TRABD2B: variants seen among roughly 807,000 people sequenced by gnomAD.
The protein encoded by TRABD2B is TraB domain containing 2B.
In TRABD2B, 14 loss-of-function variants were observed where a neutral mutation model predicts 40.1. The ratio of observed to expected loss-of-function variants is 0.35; its 90% CI spans 0.23 to 0.55. TRABD2B has a LOEUF of 0.55. TRABD2B is among the 20% of genes least tolerant of loss of function. The pLI, the probability that TRABD2B is intolerant of heterozygous loss-of-function variation, is 0.90. For missense variants in TRABD2B, 541 were observed against 648.6 expected, an observed-to-expected ratio of 0.83 and a Z score of 1.80; for synonymous variants, 263 against 277.0, an observed-to-expected ratio of 0.95 and a Z score of 0.50.
chr1:47,970,555 G>C (rs1027127592), intron 2 of TRABD2B, among the ~76,000 whole-genome samples: 1 of 152,140 alleles, frequency 6.6e-6, no homozygotes, highest in Non-Finnish European at 1.5e-5. Context: ...TGCCTGAAAT[G>C]CCCTTCTCAT....
At chr1:47,930,454 G>C (rs947377322) in intron 2 of TRABD2B, among the ~76,000 whole-genome samples, 1 of 152,120 alleles carries the variant, frequency 6.6e-6, no homozygotes, top group Non-Finnish European at 1.5e-5. Flanking sequence ...CAAGGCCCCT[G>C]GTGGCTTAGG....
rs1201841075 is a variant in TRABD2B at position 47,762,506 on chromosome 1, G to C, written c.*3396C>G. ...ACTGTGACAATGGCCCTGGGCTGGA[G>C]ATTAGGCAAGTGGGACAAGGGGCCT... On this transcript the variant is annotated 3_prime_UTR_variant, in exon 7 of 7. Coordinates refer to ENST00000606738, the MANE Select transcript of TRABD2B (RefSeq NM_001194986.2). The C allele has an allele frequency of 6.6e-6, 1 of 152,236 alleles. No individual in the cohort carries two copies. Among genetic ancestry groups the C allele is most frequent in the Non-Finnish European group, 1.5e-5 (1 of 68,052 alleles). The allele number at this position is 152,236 out of a possible 1,614,324, so 9.4% of individuals were successfully genotyped here.
In TRABD2B at chr1:47,887,765, C is replaced by T. The variant is rs544679929; in HGVS notation, c.667-86146G>A. Among the ~76,000 whole-genome samples the T allele has an allele frequency of 1.4e-4, 22 of 152,232 alleles. No individual in the cohort carries two copies. In the South Asian group the frequency reaches 4.2e-3, roughly 29 times the overall value. On this transcript the variant is annotated intron_variant, in intron 2 of 6. Transcript: ENST00000606738. ...AGAAAGGGTGTAAATCAGGAGAGGA[C>T]GGGGCCAGGTTCCTGTCTCCCAGAA...
chr1:47,974,022 T>C lies in TRABD2B; in HGVS notation c.666+20012A>G, dbSNP rs201711007. Among the ~76,000 whole-genome samples the C allele has an allele frequency of 7.2e-5, 11 of 152,214 alleles. No homozygotes were observed. The East Asian group carries it at 1.9e-3, about 27-fold the overall frequency. On this transcript the variant is annotated intron_variant, in intron 2 of 6. Coordinates refer to ENST00000606738, the MANE Select transcript of TRABD2B (RefSeq NM_001194986.2). ...GGGAGGCTGAGGTAGGAGGATAGCT[T>C]GAGCCTGGAAGGTCGAGGCTGCAGT...
chr1:47,949,401 CTTT>C (rs35027686), intron 2 of TRABD2B, among the ~76,000 whole-genome samples: 8 of 80,286 alleles, frequency 1.0e-4, no homozygotes, highest in African/African-American at 2.8e-4. Context: ...TCTTTTCTTT[CTTT>C]TTTTTTTTTT....
chr1:47,853,532 A>G (rs1273237894), intron 2 of TRABD2B, among the ~76,000 whole-genome samples: 1 of 152,204 alleles, frequency 6.6e-6, no homozygotes, highest in Admixed American at 6.5e-5. Flanking sequence ...CACATATTTC[A>G]GAACCAGGAA....
intron 2 of TRABD2B, among the ~76,000 whole-genome samples, chr1:47,928,823 CAT>C (rs367787620): frequency 1.1e-4 from 16 of 152,344 alleles, no homozygotes; most frequent in African/African-American, 3.8e-4. Flanking sequence ...CTCATTTTCA[CAT>C]GTCTGGATTC....
At chr1:47,909,236 C>T (rs34523805) in intron 2 of TRABD2B, among the ~76,000 whole-genome samples, 69,965 of 151,998 alleles carry the variant, frequency 0.46, 17,921 homozygotes, top group Middle Eastern at 0.62. Flanking sequence ...TACCTGAGGC[C>T]GGATAATTTA....
intron 2 of TRABD2B, among the ~76,000 whole-genome samples, chr1:47,889,564 C>T (rs17103892): frequency 0.32 from 48,723 of 152,098 alleles, 8,138 homozygotes; most frequent in Non-Finnish European, 0.37. Flanking sequence ...ACTGTGAGGG[C>T]AGTGAGGCAT....
intron 2 of TRABD2B, among the ~76,000 whole-genome samples, chr1:47,833,499 G>A (rs1032734474): frequency 8.5e-5 from 13 of 152,254 alleles, no homozygotes; most frequent in African/African-American, 3.1e-4. Flanking sequence ...ATTGGCAGAA[G>A]AGGTTGTCAG....
intron 6 of TRABD2B, among the ~76,000 whole-genome samples, chr1:47,768,526 A>C (rs1644336122): frequency 6.6e-6 from 1 of 152,128 alleles, no homozygotes; most frequent in South Asian, 2.1e-4. Flanking sequence ...GGCCAGACTC[A>C]ATGCCCTTCC....
chr1:47,808,207 T>G (rs1644917617), intron 2 of TRABD2B, among the ~76,000 whole-genome samples: 1 of 152,198 alleles, frequency 6.6e-6, no homozygotes, highest in Non-Finnish European at 1.5e-5. Context: ...GGACTTGAAC[T>G]GCAGCATCAA....
chr1:47,996,551 G>A lies in TRABD2B; in HGVS notation c.102+137C>T. 2 of 1,028,180 alleles carry A rather than the reference G, an allele frequency of 1.9e-6. No homozygotes were observed. The highest frequency in any genetic ancestry group is 4.7e-5 in the Admixed American group (1 of 21,490). 63.7% of individuals were successfully genotyped at this position (1,028,180 alleles called of 1,614,324 possible). A position where few individuals can be genotyped will look rare whatever the true frequency, so the allele number is the denominator to read the frequency against. ...CGGGACAGGCAGGAGCGAAGGAAGG[G>A]CGCCCGAGGCTGCGCCCGGGGGGTG... On this transcript the variant is annotated intron_variant, in intron 1 of 6. Transcript: ENST00000606738. The surrounding 1 kb of genome is among the most constrained non-coding windows in gnomAD (Gnocchi z 4.6).
At chr1:47,841,763 C>T (rs1645399879) in intron 2 of TRABD2B, among the ~76,000 whole-genome samples, 2 of 151,648 alleles carry the variant, frequency 1.3e-5, no homozygotes, top group South Asian at 2.1e-4. Flanking sequence ...GATGACCCAA[C>T]CTTCTCCTTT....
chr1:47,836,114 T>C (rs1319886353), intron 2 of TRABD2B, among the ~76,000 whole-genome samples: 1 of 152,222 alleles, frequency 6.6e-6, no homozygotes, highest in Non-Finnish European at 1.5e-5. Flanking sequence ...TTTATAATTC[T>C]CGGGGCAACT....
At chr1:47,832,978 G>C (rs1180229532) in intron 2 of TRABD2B, among the ~76,000 whole-genome samples, 1 of 152,164 alleles carries the variant, frequency 6.6e-6, no homozygotes, top group East Asian at 1.9e-4. Context: ...TATTTAATAA[G>C]ATCCTCCTGT....
chr1:47,901,572 C>T (rs1644599973), intron 2 of TRABD2B, among the ~76,000 whole-genome samples: 1 of 152,204 alleles, frequency 6.6e-6, no homozygotes, highest in Non-Finnish European at 1.5e-5. Context: ...TGACTTAACT[C>T]ATTCACTCAG....
intron 3 of TRABD2B, 137 bp downstream of exon 3, chr1:47,801,336 C>T: frequency 1.1e-6 from 1 of 939,450 alleles, no homozygotes; most frequent in Non-Finnish European, 1.6e-6. Context: ...CATCTCTGAG[C>T]CTCAATTTCC....
intron 2 of TRABD2B, among the ~76,000 whole-genome samples, chr1:47,934,807 T>C (rs1645085049): frequency 6.6e-6 from 1 of 152,104 alleles, no homozygotes; most frequent in South Asian, 2.1e-4. Flanking sequence ...TCTGGTGACC[T>C]GGAATTCCCA....
Sources: allele counts gnomAD v4.1 joint callset (sites outside exome capture counted in the v4.1 genomes callset), GRCh38; gene constraint gnomAD v4.1.1; non-coding constraint Gnocchi (gnomAD v3.1); transcripts MANE v1.5; gene names NCBI Gene and HGNC (gene_info 2026-07-23, HGNC 2026-07-21).